Variants in ARHGAP6 observed in about 807,000 individuals in gnomAD.
ARHGAP6 encodes Rho GTPase activating protein 6.
ARHGAP6 carries 16 observed loss-of-function variants against 55.7 expected under a neutral mutation model. The observed-to-expected ratio is 0.29, with a 90% CI of 0.19 to 0.44. The LOEUF is 0.44. Ranked by LOEUF, ARHGAP6 falls within the 20% of genes least tolerant of loss-of-function variation. The pLI is 1.00. For synonymous variants in ARHGAP6, 382 were observed against 360.9 expected (o/e 1.06, Z -0.66); for missense variants, 698 against 808.9 (o/e 0.86, Z 1.66).
intron 10 of ARHGAP6, among the ~76,000 whole-genome samples, chrX:11,151,519 A>C (rs2147278236): frequency 9.0e-6 from 1 of 111,298 alleles, no homozygotes; most frequent in South Asian, 3.8e-4. Flanking sequence ...TTAGTCATAA[A>C]AATCTCTTCT....
intron 1 of ARHGAP6, among the ~76,000 whole-genome samples, chrX:11,367,374 T>C (rs756509267): frequency 9.0e-6 from 1 of 111,533 alleles, no homozygotes; most frequent in Non-Finnish European, 1.9e-5. Context: ...CATGATGCTA[T>C]CTGGAGTGAC....
chrX:11,657,893 T>C (rs1244384184), intron 1 of ARHGAP6, among the ~76,000 whole-genome samples: 2 of 111,786 alleles, frequency 1.8e-5, no homozygotes, highest in Non-Finnish European at 3.8e-5. Flanking sequence ...GACGTGGTAC[T>C]CTCAGTTTTG....
At chrX:11,454,279 A>T (rs2050175410) in intron 1 of ARHGAP6, among the ~76,000 whole-genome samples, 1 of 110,154 alleles carries the variant, frequency 9.1e-6, no homozygotes, top group Admixed American at 9.7e-5. Flanking sequence ...TTCTTAAAGG[A>T]TCATTTCAAA....
chrX:11,520,131 T>TATATATA (rs2050898707), intron 1 of ARHGAP6, among the ~76,000 whole-genome samples: 2 of 18,263 alleles, frequency 1.1e-4, no homozygotes, highest in African/African-American at 2.0e-4. Flanking sequence ...AGAATTGATT[T>TATATATA]TATATATATA....
chrX:11,599,528 A>G (rs188410575), intron 1 of ARHGAP6, among the ~76,000 whole-genome samples: 14 of 112,210 alleles, frequency 1.2e-4, no homozygotes, highest in Non-Finnish European at 2.3e-4. Context: ...GGTAAATGAA[A>G]TAAGACAAAC....
chrX:11,613,256 G>A (rs67718458), intron 1 of ARHGAP6, among the ~76,000 whole-genome samples: 15,728 of 111,802 alleles, frequency 0.14, 1,001 homozygotes, highest in Middle Eastern at 0.23. Flanking sequence ...AACTGTTAGC[G>A]GCTCTGTGAG....
At chrX:11,631,774 A>C (rs1345322603) in intron 1 of ARHGAP6, among the ~76,000 whole-genome samples, 1 of 112,329 alleles carries the variant, frequency 8.9e-6, no homozygotes, top group African/African-American at 3.2e-5. Context: ...GCTGCCACAG[A>C]CAATATGTAA....
intron 1 of ARHGAP6, among the ~76,000 whole-genome samples, chrX:11,629,664 A>G (rs953132848): frequency 9.0e-6 from 1 of 110,729 alleles, no homozygotes; most frequent in Non-Finnish European, 1.9e-5. Flanking sequence ...CACGAATTGT[A>G]AGACAAAGGC....
intron 1 of ARHGAP6, among the ~76,000 whole-genome samples, chrX:11,344,552 C>T (rs1159967805): frequency 9.3e-6 from 1 of 107,418 alleles, no homozygotes; most frequent in African/African-American, 3.4e-5. Context: ...GTGGCAGGTG[C>T]CTGTAATCCC....
At chrX:11,630,998 T>G (rs1243239786) in intron 1 of ARHGAP6, among the ~76,000 whole-genome samples, 1 of 110,409 alleles carries the variant, frequency 9.1e-6, no homozygotes, top group African/African-American at 3.3e-5. Context: ...CCAGGCACTG[T>G]TTTTTTTAAA....
At chrX:11,657,078 C>G (rs1569075034) in intron 1 of ARHGAP6, among the ~76,000 whole-genome samples, 2 of 111,542 alleles carry the variant, frequency 1.8e-5, no homozygotes, top group East Asian at 2.8e-4. Flanking sequence ...CTTTGCTGGA[C>G]TAGAGTTCCT....
At chrX:11,642,330 G>A (rs73505478) in intron 1 of ARHGAP6, among the ~76,000 whole-genome samples, 1,437 of 110,988 alleles carry the variant, frequency 0.013, 28 homozygotes, top group African/African-American at 0.045. Context: ...CTGTGTTTAG[G>A]CCAAAAAATA....
chrX:11,160,250 C>T (rs2045923183), intron 9 of ARHGAP6, among the ~76,000 whole-genome samples: 1 of 107,592 alleles, frequency 9.3e-6, no homozygotes, highest in Non-Finnish European at 1.9e-5. Flanking sequence ...GAGATCGAGA[C>T]CATCCTGGCT....
chrX:11,187,959 G>C lies in ARHGAP6; in HGVS notation c.1077+769C>G, dbSNP rs754190251. Among the ~76,000 whole-genome samples the C allele has an allele frequency of 2.5e-3, 280 of 111,897 alleles. 1 individual carries two copies. In the Middle Eastern group the frequency reaches 0.027, roughly 11 times the overall value. ...AGGCAGGAGGATCACTTGAGCCCGG[G>C]AGATTGAAGCTGCAGTGAGCAGTGA... is the stretch of plus-strand genomic sequence containing the variant. On this transcript the variant is annotated intron_variant, in intron 4 of 12. Coordinates refer to ENST00000337414, the MANE Select transcript of ARHGAP6 (RefSeq NM_013427.3).
chrX:11,659,638 C>T (rs2052674848), intron 1 of ARHGAP6, among the ~76,000 whole-genome samples: 1 of 111,640 alleles, frequency 9.0e-6, no homozygotes, highest in African/African-American at 3.3e-5. Flanking sequence ...TGAGATTATC[C>T]TGGATTATCC....
intron 1 of ARHGAP6, among the ~76,000 whole-genome samples, chrX:11,457,261 C>A (rs1569351825): frequency 8.9e-6 from 1 of 111,862 alleles, no homozygotes; most frequent in Non-Finnish European, 1.9e-5. Flanking sequence ...CAGAGCATCA[C>A]CATTTGCTCC....
At chrX:11,613,496 A>G (rs750542444) in intron 1 of ARHGAP6, among the ~76,000 whole-genome samples, 2 of 112,273 alleles carry the variant, frequency 1.8e-5, no homozygotes, top group Non-Finnish European at 3.8e-5. Context: ...ACACTTTCAC[A>G]GAGTGTCCTT....
chrX:11,355,743 C>A (rs1211092152), intron 1 of ARHGAP6, among the ~76,000 whole-genome samples: 1 of 111,257 alleles, frequency 9.0e-6, no homozygotes, highest in Non-Finnish European at 1.9e-5. Flanking sequence ...AACTGTAATT[C>A]AGTTCTCCTG....
chrX:11,485,490 C>T (rs2050502499), intron 1 of ARHGAP6, among the ~76,000 whole-genome samples: 1 of 112,125 alleles, frequency 8.9e-6, no homozygotes, highest in African/African-American at 3.2e-5. Context: ...CTTCTCAGCT[C>T]CCAAGTTTTT....
Sources: gnomAD v4.1 joint callset for allele counts (sites outside exome capture counted in the v4.1 genomes callset) on GRCh38, gnomAD v4.1.1 for gene constraint, MANE v1.5 for transcripts, NCBI Gene and HGNC (gene_info 2026-07-23, HGNC 2026-07-21) for gene names.